The following ADAM32 variants were observed in gnomAD, a reference collection of about 807,000 sequenced individuals.
ADAM32 encodes disintegrin and metalloproteinase domain-containing protein 32.
ADAM32 carries 89 observed loss-of-function variants against 114.9 expected under a neutral mutation model. That is an observed-to-expected ratio of 0.77 (90% CI 0.65 to 0.92). The LOEUF (loss-of-function observed/expected upper bound fraction) is 0.92, where lower values mean the gene tolerates loss of function less well. Among genes scored for constraint, ADAM32 ranks in the 40% least tolerant of loss-of-function variants. The probability of loss-of-function intolerance (pLI) is 0.00; values close to 1 mark genes in which losing one functional copy is unlikely to be tolerated. For missense variants in ADAM32, 870 were observed against 932.8 expected (o/e 0.93, Z 0.88); for synonymous variants, 285 against 307.5 (o/e 0.93, Z 0.77).
chr8:39,254,463 C>A lies in ADAM32; in HGVS notation c.1952C>A (p.Pro651Gln), dbSNP rs777261468. Reference sequence around the variant, plus strand: ...CATTGTTCGCCAGGCTATAAGCCTCCAAACTGCCAAATACGTTCCAAAGGA... The same window carrying A: ...CATTGTTCGCCAGGCTATAAGCCTCAAAACTGCCAAATACGTTCCAAAGGA... ...KCHCSPGYKP[P>Q]NCQIRSKGFS... Residue 651 changes from proline to glutamine, a missense_variant, in exon 18 of 25, where the codon CCA (proline) becomes CAA (glutamine). Transcript: ENST00000379907. 4.4e-6 allele frequency: 7 copies of A among 1,602,084 alleles called. No individual in the cohort carries two copies. The East Asian group carries it at 6.7e-5, about 15-fold the overall frequency.
At chr8:39,161,074 A>G in intron 7 of ADAM32, 109 bp downstream of exon 7, 1 of 957,426 alleles carries the variant, frequency 1.0e-6, no homozygotes, top group Non-Finnish European at 1.5e-6. Flanking sequence ...CTCACATGTC[A>G]TAGAGACAAT....
At chr8:39,238,158 A>T (rs1388861853) in intron 16 of ADAM32, among the ~76,000 whole-genome samples, 1 of 152,240 alleles carries the variant, frequency 6.6e-6, no homozygotes. Context: ...ATAACCAAGG[A>T]CTCTCACAGA....
At chr8:39,239,270 C>T (rs1010038991) in intron 16 of ADAM32, among the ~76,000 whole-genome samples, 5 of 152,158 alleles carry the variant, frequency 3.3e-5, no homozygotes, top group African/African-American at 1.2e-4. Flanking sequence ...TATCTTTAGT[C>T]TCTTTAAACA....
chr8:39,133,393 A>C, intron 2 of ADAM32, among the ~76,000 whole-genome samples: 1 of 152,236 alleles, frequency 6.6e-6, no homozygotes, highest in East Asian at 1.9e-4. Context: ...AACATCAGTG[A>C]TGTCTGTGAG....
intron 2 of ADAM32, among the ~76,000 whole-genome samples, chr8:39,120,021 C>T (rs1840526934): frequency 6.6e-6 from 1 of 152,190 alleles, no homozygotes; most frequent in Admixed American, 6.5e-5. Context: ...AAGGATACAA[C>T]AAGAAGGCAG....
intron 11 of ADAM32, among the ~76,000 whole-genome samples, chr8:39,187,587 T>C (rs1000053634): frequency 1.3e-5 from 2 of 152,188 alleles, no homozygotes; most frequent in Non-Finnish European, 2.9e-5. Context: ...TTTAAAAATA[T>C]GTCAGCAGAA....
intron 24 of ADAM32, 65 bp from the exon 25 acceptor site, chr8:39,284,728 T>G: frequency 1.9e-6 from 3 of 1,585,698 alleles, no homozygotes; most frequent in Non-Finnish European, 2.6e-6. Flanking sequence ...CCTCAGCTGC[T>G]TGTACAGTGG....
At chr8:39,173,608 A>G (rs1337881246) in intron 10 of ADAM32, among the ~76,000 whole-genome samples, 2 of 152,036 alleles carry the variant, frequency 1.3e-5, no homozygotes, top group Non-Finnish European at 2.9e-5. Context: ...CCCCCTCTGT[A>G]AGTTGTCTAT....
chr8:39,161,939 A>AT (rs1804532682), intron 7 of ADAM32, among the ~76,000 whole-genome samples: 1 of 151,308 alleles, frequency 6.6e-6, no homozygotes, highest in South Asian at 2.1e-4. Context: ...ATTATGTTAT[A>AT]TATCTTGAGA....
At chr8:39,132,745 T>C (rs1371121952) in intron 2 of ADAM32, among the ~76,000 whole-genome samples, 2 of 138,706 alleles carry the variant, frequency 1.4e-5, no homozygotes, top group Non-Finnish European at 3.3e-5. Flanking sequence ...AAATTGTTAG[T>C]TGACAGATTT....
intron 10 of ADAM32, among the ~76,000 whole-genome samples, chr8:39,174,288 T>C (rs1805376742): frequency 1.3e-5 from 2 of 152,220 alleles, no homozygotes; most frequent in Non-Finnish European, 1.5e-5. Context: ...TGTGGTCTTA[T>C]TTCTGAGTTC....
chr8:39,218,676 G>A (rs144222834), intron 12 of ADAM32, among the ~76,000 whole-genome samples: 1 of 152,198 alleles, frequency 6.6e-6, no homozygotes, highest in Non-Finnish European at 1.5e-5. Flanking sequence ...GTAATGCCAG[G>A]CCACCACTGA....
At chr8:39,244,735 T>G (rs6987728) in intron 16 of ADAM32, among the ~76,000 whole-genome samples, 8,182 of 152,142 alleles carry the variant, frequency 0.054, 752 homozygotes, top group African/African-American at 0.19. Flanking sequence ...AGCATTAGGA[T>G]ATATACCTAG....
intron 6 of ADAM32, among the ~76,000 whole-genome samples, chr8:39,159,594 T>C (rs1339122520): frequency 6.6e-6 from 1 of 152,240 alleles, no homozygotes; most frequent in Non-Finnish European, 1.5e-5. Flanking sequence ...GACTTTTTAG[T>C]GTGCTTGCTG....
At chr8:39,231,935 A>C (rs1309522527) in intron 14 of ADAM32, 92 bp from the exon 15 acceptor site, 1 of 1,026,724 alleles carries the variant, frequency 9.7e-7, no homozygotes, top group Admixed American at 2.3e-5. Flanking sequence ...TTAGATATTA[A>C]TGGAGAGATA....
At chr8:39,144,571 G>C (rs1157883812) in intron 3 of ADAM32, among the ~76,000 whole-genome samples, 3 of 152,190 alleles carry the variant, frequency 2.0e-5, no homozygotes. Flanking sequence ...AGTTAATTTA[G>C]TTTAGAATGG....
chr8:39,248,088 T>C (rs948277314), intron 17 of ADAM32, among the ~76,000 whole-genome samples: 2 of 152,222 alleles, frequency 1.3e-5, no homozygotes, highest in African/African-American at 4.8e-5. Flanking sequence ...CCTCGATTAC[T>C]ACAGACTTAC....
chr8:39,258,515 G>C (rs1228042975), intron 19 of ADAM32, among the ~76,000 whole-genome samples: 1 of 151,686 alleles, frequency 6.6e-6, no homozygotes, highest in Admixed American at 6.6e-5. Context: ...GTAATCTTTA[G>C]TTTTCAATTA....
intron 6 of ADAM32, chr8:39,157,460 A>G (rs1804212319): frequency 5.6e-6 from 2 of 355,594 alleles, no homozygotes; most frequent in African/African-American, 2.2e-5. Flanking sequence ...GGCTCTGTTC[A>G]TTTTTCTTCA....
Sources: allele counts gnomAD v4.1 joint callset (sites outside exome capture counted in the v4.1 genomes callset), GRCh38; gene constraint gnomAD v4.1.1; transcripts MANE v1.5; gene names NCBI Gene and HGNC (gene_info 2026-07-23, HGNC 2026-07-21).